The following CHKA variants were observed in gnomAD, a reference collection of about 807,000 sequenced individuals.
The protein encoded by CHKA is CHETK-alpha.
A neutral mutation model predicts 60.1 loss-of-function variants in CHKA; 34 were observed. That is an observed-to-expected ratio of 0.57 (90% CI 0.43 to 0.75). The LOEUF is 0.75. CHKA is among the 30% of genes least tolerant of loss of function. CHKA has a pLI of 0.00. For synonymous variants in CHKA, 217 were observed against 223.1 expected, an observed-to-expected ratio of 0.97 and a Z score of 0.24; for missense variants, 563 against 561.3, an observed-to-expected ratio of 1.00 and a Z score of -0.03.
At chr11:68,061,095 G>GTTTTTTTTTTTT (rs757176198) in intron 11 of CHKA, among the ~76,000 whole-genome samples, 1 of 70,840 alleles carries the variant, frequency 1.4e-5, no homozygotes, top group African/African-American at 6.7e-5. Context: ...GTCAGTGACA[G>GTTTTTTTTTTTT]TTTTTTTTTT....
intron 8 of CHKA, 23 bp from the exon 9 acceptor site, chr11:68,065,917 G>A: frequency 2.6e-6 from 4 of 1,538,220 alleles, no homozygotes; most frequent in East Asian, 2.3e-5. Flanking sequence ...ATAAGACAGT[G>A]CACACAATGA....
At chr11:68,099,007 G>A (rs921430203) in intron 1 of CHKA, among the ~76,000 whole-genome samples, 3 of 152,120 alleles carry the variant, frequency 2.0e-5, no homozygotes, top group East Asian at 1.9e-4. Context: ...TAATAAAAAA[G>A]TATGAAGTAC....
chr11:68,060,094 T>G (rs1856175564), intron 11 of CHKA, among the ~76,000 whole-genome samples: 2 of 147,342 alleles, frequency 1.4e-5, no homozygotes, highest in Non-Finnish European at 3.0e-5. Flanking sequence ...TGGCGTGATC[T>G]CGGCTCACTG....
At chr11:68,058,146 C>A (rs1401669113) in intron 11 of CHKA, among the ~76,000 whole-genome samples, 1 of 152,222 alleles carries the variant, frequency 6.6e-6, no homozygotes, top group Non-Finnish European at 1.5e-5. Flanking sequence ...CCTGCCTCAG[C>A]CTCCCAAAGT....
chr11:68,062,402 G>C (rs1448236529), intron 10 of CHKA, among the ~76,000 whole-genome samples: 1 of 152,252 alleles, frequency 6.6e-6, no homozygotes, highest in Non-Finnish European at 1.5e-5. Flanking sequence ...CTTGCTACAA[G>C]GGAGGGTGCA....
chr11:68,080,418 G>T (rs956861509), intron 3 of CHKA, among the ~76,000 whole-genome samples: 16 of 152,088 alleles, frequency 1.1e-4, no homozygotes, highest in Non-Finnish European at 1.6e-4. Context: ...CACAATCTCG[G>T]TCTACTGCAA....
At position 68,120,914 on chromosome 11, in the gene CHKA, C is replaced by T. The variant is rs760355584; in HGVS notation, c.264G>A (p.Arg88=). The change falls in exon 1 of 12, where the codon CGG becomes CGA. Residue 88 remains arginine (R), a synonymous_variant. Coordinates refer to ENST00000265689, the MANE Select transcript of CHKA (RefSeq NM_001277.3). The part of the protein sequence containing the change: ...PADEQPEPRT[R]RRAYLWCKEF... ...CCTTGCACCACAGATAGGCCCTGCG[C>T]CGCGTCCGGGGCTCCGGCTGCTCGT... is the stretch of plus-strand genomic sequence containing the variant. 1 of 1,233,128 alleles carries T rather than the reference C, an allele frequency of 8.1e-7. No homozygotes were observed. The highest frequency in any genetic ancestry group is 2.6e-5 in the South Asian group (1 of 38,498). 76.4% of individuals were successfully genotyped at this position (1,233,128 alleles called of 1,614,324 possible). A position where few individuals can be genotyped will look rare whatever the true frequency, so the allele number is the denominator to read the frequency against.
At chr11:68,069,989 G>A (rs755818821) in intron 6 of CHKA, among the ~76,000 whole-genome samples, 200 bp downstream of exon 6, 38 of 152,168 alleles carry the variant, frequency 2.5e-4, no homozygotes, top group African/African-American at 8.2e-4. Context: ...CAGAGGCCAC[G>A]TGTGGGCTTC....
chr11:68,098,091 G>A (rs1185481071), intron 1 of CHKA, among the ~76,000 whole-genome samples: 1 of 151,984 alleles, frequency 6.6e-6, no homozygotes, highest in African/African-American at 2.4e-5. Context: ...GGCCAACATG[G>A]TGAAAGCCTG....
At chr11:68,069,018 C>G (rs905973221) in intron 6 of CHKA, 81 bp from the exon 7 acceptor site, 1 of 1,046,092 alleles carries the variant, frequency 9.6e-7, no homozygotes, top group African/African-American at 1.6e-5. Context: ...ATGGCCAGCA[C>G]CAAATTCGTG....
chr11:68,120,806 C>A lies in CHKA; in HGVS notation c.350+22G>T, dbSNP rs375078573. 7.9e-4 allele frequency: 955 copies of A among 1,214,760 alleles called. 4 individuals are homozygous for A. Among genetic ancestry groups the A allele is most frequent in the Non-Finnish European group, 8.5e-4 (814 of 963,038 alleles). 75.2% of individuals were successfully genotyped at this position (1,214,760 alleles called of 1,614,324 possible). A position where few individuals can be genotyped will look rare whatever the true frequency, so the allele number is the denominator to read the frequency against. ...CCGCGTCACCTGACTGTCCCGCGGC[C>A]CCCAGACCCGGCGCCACCGACCTGA... On this transcript the variant is annotated intron_variant, in intron 1 of 11. Transcript: ENST00000265689.
At chr11:68,090,128 G>A (rs1857303072) in intron 2 of CHKA, among the ~76,000 whole-genome samples, 1 of 152,198 alleles carries the variant, frequency 6.6e-6, no homozygotes. Flanking sequence ...GTTATCAAAA[G>A]AAGGCACCAA....
At chr11:68,079,844 G>T (rs188534785) in intron 3 of CHKA, among the ~76,000 whole-genome samples, 1 of 152,120 alleles carries the variant, frequency 6.6e-6, no homozygotes, top group African/African-American at 2.4e-5. Context: ...AGAATGTAGC[G>T]GCCCTTTGGC....
chr11:68,087,238 G>C (rs1857209144), intron 2 of CHKA, among the ~76,000 whole-genome samples: 1 of 152,126 alleles, frequency 6.6e-6, no homozygotes, highest in Admixed American at 6.5e-5. Context: ...TTAGCACTTT[G>C]GGAGGTTGAG....
At position 68,120,877 on chromosome 11, in the gene CHKA, CG is replaced by C; in HGVS notation, c.300del (p.Gly101AlafsTer54). The C allele has an allele frequency of 2.2e-6, 3 of 1,356,456 alleles. No individual in the cohort carries two copies. The highest frequency in any genetic ancestry group is 1.5e-5 in the African/African-American group (1 of 65,642). The allele number at this position is 1,356,456 out of a possible 1,614,324, so 84.0% of individuals were successfully genotyped here. A position where few individuals can be genotyped will look rare whatever the true frequency, so the allele number is the denominator to read the frequency against. ...RAYLWCKEFL[P>X]GAWRGLREDE... is the part of the protein sequence containing the mutation. ...TCCTCGCGGAGGCCCCGCCAGGCGC[CG>C]GGCAGGAACTCCTTGCACCACAGAT... On this transcript the variant is annotated frameshift_variant, in exon 1 of 12. Coordinates refer to ENST00000265689, the MANE Select transcript of CHKA (RefSeq NM_001277.3). LOFTEE classifies it high-confidence loss of function.
chr11:68,093,012 T>G (rs1193532346), intron 2 of CHKA, among the ~76,000 whole-genome samples: 4 of 150,066 alleles, frequency 2.7e-5, no homozygotes, highest in Non-Finnish European at 5.9e-5. Context: ...TTTGGGTTTT[T>G]TTTTTTTTTT....
intron 1 of CHKA, among the ~76,000 whole-genome samples, chr11:68,115,162 T>C (rs1254262383): frequency 6.6e-6 from 1 of 152,234 alleles, no homozygotes; most frequent in Non-Finnish European, 1.5e-5. Context: ...TGTAAGCTAA[T>C]GTGTAAGTGT....
chr11:68,078,654 T>G lies in CHKA; in HGVS notation c.516+2750A>C, dbSNP rs150407321. Among the ~76,000 whole-genome samples the G allele has an allele frequency of 4.9e-4, 75 of 152,328 alleles. 1 individual carries two copies. In the East Asian group the frequency reaches 0.014, roughly 29 times the overall value. On this transcript the variant is annotated intron_variant, in intron 3 of 11. Transcript: ENST00000265689. Reference sequence around the variant, plus strand: ...ACTTCTTGAGAAGACATAACAGCATTTCTGTGGTATTTCAGCCAAAAATGC... The same window carrying G: ...ACTTCTTGAGAAGACATAACAGCATGTCTGTGGTATTTCAGCCAAAAATGC...
intron 1 of CHKA, among the ~76,000 whole-genome samples, chr11:68,101,666 A>G (rs1414072153): frequency 6.6e-6 from 1 of 152,002 alleles, no homozygotes; most frequent in Non-Finnish European, 1.5e-5. Flanking sequence ...AAAAAAAAAG[A>G]AAAGAAAAAG....
Sources: allele counts gnomAD v4.1 joint callset (sites outside exome capture counted in the v4.1 genomes callset), GRCh38; gene constraint gnomAD v4.1.1; transcripts MANE v1.5; gene names NCBI Gene and HGNC (gene_info 2026-07-23, HGNC 2026-07-21).